ARMC3: variants seen among roughly 807,000 people sequenced by gnomAD.
ARMC3 encodes armadillo repeat containing 3.
Under a neutral mutation model 90.3 loss-of-function variants are expected in ARMC3, and 74 were observed. The ratio of observed to expected loss-of-function variants is 0.82; its 90% CI spans 0.68 to 0.99. The LOEUF is 0.99. Ranked by LOEUF, ARMC3 falls within the 50% of genes least tolerant of loss-of-function variation. The pLI is 0.00. For missense variants in ARMC3, 958 were observed against 1,042.8 expected, an observed-to-expected ratio of 0.92 and a Z score of 1.12; for synonymous variants, 334 against 361.8, an observed-to-expected ratio of 0.92 and a Z score of 0.87.
At position 22,946,545 on chromosome 10, in the gene ARMC3, G is replaced by A. The variant is rs1185906640; in HGVS notation, c.166+284G>A. On this transcript the variant is annotated intron_variant, in intron 3 of 18. Transcript: ENST00000298032. ...ACAGAAGCTAAAAGAACTCCCAATA[G>A]TCAAGGCTGGAACAATTAGAACAAC... 7 of 231,718 alleles carry A rather than the reference G, an allele frequency of 3.0e-5. No homozygotes were observed. In the East Asian group the frequency reaches 7.4e-4, roughly 25 times the overall value. The allele number at this position is 231,718 out of a possible 1,614,324, so 14.4% of individuals were successfully genotyped here. A position where few individuals can be genotyped will look rare whatever the true frequency, so the allele number is the denominator to read the frequency against.
At chr10:22,968,225 CTT>C (rs1454344509) in intron 7 of ARMC3, 79 bp from the exon 8 acceptor site, 2 of 1,325,748 alleles carry the variant, frequency 1.5e-6, no homozygotes, top group East Asian at 2.4e-5. Context: ...TTCTGACTGA[CTT>C]TATTTCCTCT....
intron 16 of ARMC3, 30 bp downstream of exon 16, chr10:23,008,961 C>T: frequency 6.3e-7 from 1 of 1,583,158 alleles, no homozygotes; most frequent in South Asian, 1.1e-5. Flanking sequence ...TCCTCATTAC[C>T]CAGCCAGGCT....
intron 10 of ARMC3, among the ~76,000 whole-genome samples, chr10:22,991,894 C>T (rs1836727585): frequency 6.6e-6 from 1 of 152,106 alleles, no homozygotes; most frequent in Non-Finnish European, 1.5e-5. Context: ...GGATTGTATC[C>T]CTTGTCATTG....
intron 8 of ARMC3, among the ~76,000 whole-genome samples, chr10:22,978,860 TA>T (rs35990780): frequency 0.052 from 7,970 of 152,274 alleles, 212 homozygotes; most frequent in African/African-American, 0.06. Flanking sequence ...ATCATAAGAA[TA>T]TTTTTTTAGA....
At chr10:22,977,384 A>G (rs770990166) in intron 8 of ARMC3, among the ~76,000 whole-genome samples, 10 of 152,152 alleles carry the variant, frequency 6.6e-5, no homozygotes, top group Non-Finnish European at 1.3e-4. Flanking sequence ...TGCATGAACT[A>G]AAGTAACCCG....
chr10:22,946,024 G>T, intron 2 of ARMC3, 120 bp from the exon 3 acceptor site: 1 of 636,356 alleles, frequency 1.6e-6, no homozygotes, highest in Non-Finnish European at 2.6e-6. Flanking sequence ...TGCACTTATT[G>T]GGCAGTGACC....
At chr10:22,929,086 C>T (rs903006478) in intron 1 of ARMC3, among the ~76,000 whole-genome samples, 4 of 151,778 alleles carry the variant, frequency 2.6e-5, no homozygotes, top group Non-Finnish European at 5.9e-5. Flanking sequence ...ATTAGCCGAG[C>T]GTGGTGGCGG....
intron 2 of ARMC3, among the ~76,000 whole-genome samples, chr10:22,936,520 A>G (rs1834120088): frequency 6.6e-6 from 1 of 152,190 alleles, no homozygotes; most frequent in Non-Finnish European, 1.5e-5. Context: ...CTGGGCTTAA[A>G]ATTCAAAACT....
At chr10:22,986,551 C>CA (rs774609003) in intron 10 of ARMC3, among the ~76,000 whole-genome samples, 25,597 of 85,334 alleles carry the variant, frequency 0.3, 2,642 homozygotes, top group African/African-American at 0.34. Flanking sequence ...GACTCCATCT[C>CA]AAAAAAAAAA....
At chr10:22,976,496 C>T (rs890598922) in intron 8 of ARMC3, among the ~76,000 whole-genome samples, 3 of 152,206 alleles carry the variant, frequency 2.0e-5, no homozygotes, top group Non-Finnish European at 2.9e-5. Context: ...TTTATTCCAT[C>T]GTTTTCAAAA....
rs1007206986 is a variant in ARMC3, at chr10:23,025,333, C to G, written c.2046-5263C>G. ...CATTAAAAGTGCATGTGAAAATTCACGAATACCCTGAGCCATAAAAAAAAC... is the reference window on the plus strand; with the variant it reads ...CATTAAAAGTGCATGTGAAAATTCAGGAATACCCTGAGCCATAAAAAAAAC... On this transcript the variant is annotated intron_variant, in intron 16 of 18. Coordinates refer to ENST00000298032, the MANE Select transcript of ARMC3 (RefSeq NM_173081.5). 2.0e-5 allele frequency among the ~76,000 whole-genome samples: 3 copies of G among 151,852 alleles called. No homozygotes were observed. In the East Asian group the frequency reaches 5.8e-4, roughly 29 times the overall value.
chr10:22,933,514 A>C (rs1357636900), intron 2 of ARMC3, among the ~76,000 whole-genome samples: 1 of 151,904 alleles, frequency 6.6e-6, no homozygotes, highest in Non-Finnish European at 1.5e-5. Context: ...ACAAAATAGA[A>C]CTCCTGCTTC....
At chr10:22,995,336 A>G (rs1252274475) in intron 10 of ARMC3, among the ~76,000 whole-genome samples, 1 of 152,142 alleles carries the variant, frequency 6.6e-6, no homozygotes, top group East Asian at 1.9e-4. Flanking sequence ...TTTTTAAGGT[A>G]AGAATAATAG....
chr10:23,028,365 CTTCAT>C (rs71510937), intron 16 of ARMC3, among the ~76,000 whole-genome samples: 80,985 of 151,416 alleles, frequency 0.53, 23,594 homozygotes, highest in Non-Finnish European at 0.64. Flanking sequence ...GATTTTTATA[CTTCAT>C]TTCAAGAGTA....
intron 2 of ARMC3, among the ~76,000 whole-genome samples, chr10:22,933,003 G>GC (rs1833986382): frequency 6.6e-6 from 1 of 152,224 alleles, no homozygotes; most frequent in Non-Finnish European, 1.5e-5. Context: ...TTAGTGCTTG[G>GC]CACGTAGCAC....
intron 16 of ARMC3, among the ~76,000 whole-genome samples, chr10:23,029,986 C>A (rs1838858849): frequency 1.3e-5 from 2 of 152,126 alleles, no homozygotes; most frequent in Admixed American, 1.3e-4. Context: ...TCTGAGAAGG[C>A]AACCTAATTG....
At chr10:22,998,858 T>A (rs1416342170) in intron 11 of ARMC3, among the ~76,000 whole-genome samples, 2 of 152,248 alleles carry the variant, frequency 1.3e-5, no homozygotes, top group African/African-American at 4.8e-5. Flanking sequence ...TACATACTTA[T>A]GATTCCATTT....
intron 17 of ARMC3, among the ~76,000 whole-genome samples, chr10:23,031,631 TGA>T (rs1342072823): frequency 6.6e-6 from 1 of 152,228 alleles, no homozygotes; most frequent in Non-Finnish European, 1.5e-5. Context: ...CTGATGTCCT[TGA>T]GAAGTGATGG....
At chr10:22,965,495 A>G (rs1348645613) in intron 7 of ARMC3, among the ~76,000 whole-genome samples, 2 of 151,994 alleles carry the variant, frequency 1.3e-5, no homozygotes, top group African/African-American at 4.8e-5. Flanking sequence ...GGCTTTCTGC[A>G]TTTCTCTTCT....
Sources: allele counts gnomAD v4.1 joint callset (sites outside exome capture counted in the v4.1 genomes callset), GRCh38; gene constraint gnomAD v4.1.1; transcripts MANE v1.5; gene names NCBI Gene and HGNC (gene_info 2026-07-23, HGNC 2026-07-21).